Variants in NAALADL2 observed in about 807,000 individuals in gnomAD.
The protein encoded by NAALADL2 is N-acetylated alpha-linked acidic dipeptidase like 2.
In NAALADL2, 76 loss-of-function variants were observed where a neutral mutation model predicts 87.2. The observed-to-expected ratio is 0.87, with a 90% CI of 0.72 to 1.05. The LOEUF (loss-of-function observed/expected upper bound fraction) is 1.05. Among genes scored for constraint, NAALADL2 ranks in the 50% least tolerant of loss-of-function variants. The pLI is 0.00. For missense variants in NAALADL2, 1,089 were observed against 945.8 expected, an observed-to-expected ratio of 1.15 and a Z score of -1.99; for synonymous variants, 354 against 331.0, an observed-to-expected ratio of 1.07 and a Z score of -0.75.
At chr3:175,491,149 TTCTG>T (rs1279720059) in intron 9 of NAALADL2, among the ~76,000 whole-genome samples, 1 of 142,684 alleles carries the variant, frequency 7.0e-6, no homozygotes, top group Non-Finnish European at 1.5e-5. Flanking sequence ...CTTTTTTTTT[TTCTG>T]TCAGGAAATA....
intron 1 of NAALADL2, among the ~76,000 whole-genome samples, chr3:175,058,390 G>A (rs915474784): frequency 5.3e-5 from 8 of 151,944 alleles, no homozygotes; most frequent in South Asian, 4.2e-4. Flanking sequence ...CCCTGGGCTC[G>A]GTGCTATTAA....
At chr3:175,517,730 G>C (rs983791600) in intron 9 of NAALADL2, among the ~76,000 whole-genome samples, 1 of 152,046 alleles carries the variant, frequency 6.6e-6, no homozygotes, top group Admixed American at 6.6e-5. Flanking sequence ...TTTAGGAGTA[G>C]AGTCTCCATA....
Position 175,810,321 on chromosome 3 carries a change from GTGATC to G in NAALADL2, c.*7121_*7125del, listed in dbSNP as rs1342285051. On this transcript the variant is annotated 3_prime_UTR_variant, in exon 14 of 14. Transcript: ENST00000454872. Reference sequence around the variant, plus strand: ...TGCATCTTACTTAAGAAATTATGTTGTGATCTGGAGTGACACAAATGGATTGAGAT... The same window carrying G: ...TGCATCTTACTTAAGAAATTATGTTGTGGAGTGACACAAATGGATTGAGAT... The G allele has an allele frequency of 1.3e-5, 2 of 151,904 alleles. No homozygotes were observed. Among genetic ancestry groups the G allele is most frequent in the East Asian group, 3.9e-4 (2 of 5,188 alleles). The allele number at this position is 151,904 out of a possible 1,614,324, so 9.4% of individuals were successfully genotyped here.
intron 2 of NAALADL2, among the ~76,000 whole-genome samples, chr3:175,140,563 C>A (rs902194508): frequency 1.3e-5 from 2 of 152,088 alleles, no homozygotes; most frequent in Non-Finnish European, 2.9e-5. Context: ...GCAAAGAAGG[C>A]AGGTAAAGAG....
At chr3:175,739,366 A>G (rs1415261834) in intron 12 of NAALADL2, among the ~76,000 whole-genome samples, 2 of 152,192 alleles carry the variant, frequency 1.3e-5, no homozygotes, top group Admixed American at 1.3e-4. Flanking sequence ...GCACATTTCA[A>G]TTGTCTGACA....
chr3:174,830,714 C>T (rs1305458036), intron 3 of NAALADL2, among the ~76,000 whole-genome samples: 8 of 152,114 alleles, frequency 5.3e-5, no homozygotes, highest in Non-Finnish European at 7.4e-5. Flanking sequence ...GCCATTTTCA[C>T]GATATTGATT....
rs1271591450 is a variant in NAALADL2 at position 175,077,681 on chromosome 3, T to C, written c.44-19109T>C. On this transcript the variant is annotated intron_variant, in intron 1 of 13. Coordinates refer to ENST00000454872, the MANE Select transcript of NAALADL2 (RefSeq NM_207015.3). ...TATCATAAATATACTATAAATGGCATGTGAATATTTACTAATAGAGGCAGC... is the reference window on the plus strand; with the variant it reads ...TATCATAAATATACTATAAATGGCACGTGAATATTTACTAATAGAGGCAGC... Among the ~76,000 whole-genome samples the C allele has an allele frequency of 3.3e-5, 5 of 152,162 alleles. No homozygotes were observed. In the South Asian group the frequency reaches 1.0e-3, roughly 31 times the overall value.
chr3:174,845,682 CA>C (rs1398917693), intron 3 of NAALADL2, among the ~76,000 whole-genome samples: 2 of 152,126 alleles, frequency 1.3e-5, no homozygotes, highest in Non-Finnish European at 2.9e-5. Flanking sequence ...GTTGTTGAGC[CA>C]GGGGTGGGAA....
intron 2 of NAALADL2, among the ~76,000 whole-genome samples, chr3:175,211,297 A>G (rs1741735377): frequency 6.6e-6 from 1 of 151,976 alleles, no homozygotes; most frequent in Admixed American, 6.6e-5. Context: ...CTTGGGGAAC[A>G]GGAACTTGAA....
intron 3 of NAALADL2, among the ~76,000 whole-genome samples, chr3:174,748,958 A>G (rs1424945326): frequency 6.6e-6 from 1 of 152,226 alleles, no homozygotes; most frequent in Non-Finnish European, 1.5e-5. Context: ...TTCTTAAGGT[A>G]TACCCATAAA....
chr3:175,713,920 C>T (rs1047739434), intron 11 of NAALADL2, among the ~76,000 whole-genome samples: 2 of 152,062 alleles, frequency 1.3e-5, no homozygotes, highest in African/African-American at 4.8e-5. Context: ...GTGATGTTCC[C>T]CATCCTATGT....
intron 1 of NAALADL2, among the ~76,000 whole-genome samples, chr3:174,515,728 A>G (rs1295468839): frequency 1.3e-5 from 2 of 151,598 alleles, no homozygotes; most frequent in East Asian, 1.9e-4. Context: ...TAAAGTTGAG[A>G]TAATATATAA....
At chr3:174,786,822 T>G (rs1716737237) in intron 3 of NAALADL2, among the ~76,000 whole-genome samples, 1 of 152,234 alleles carries the variant, frequency 6.6e-6, no homozygotes, top group African/African-American at 2.4e-5. Flanking sequence ...ATTGCTCAGC[T>G]TCCCTTCTTC....
At chr3:175,524,711 T>C (rs553798760) in intron 9 of NAALADL2, among the ~76,000 whole-genome samples, 13 of 152,252 alleles carry the variant, frequency 8.5e-5, no homozygotes, top group Admixed American at 7.8e-4. Context: ...GTAACACTTA[T>C]TGTGCTAGCA....
At chr3:175,325,612 G>A (rs917366319) in intron 5 of NAALADL2, among the ~76,000 whole-genome samples, 1 of 152,218 alleles carries the variant, frequency 6.6e-6, no homozygotes, top group East Asian at 1.9e-4. Flanking sequence ...ACCAAAAACA[G>A]ACTCTGTAAG....
chr3:175,043,156 C>G (rs1329947689), intron 1 of NAALADL2, among the ~76,000 whole-genome samples: 2 of 152,172 alleles, frequency 1.3e-5, no homozygotes, highest in Non-Finnish European at 2.9e-5. Flanking sequence ...TATTCCTCTA[C>G]AGTAATCCAA....
At chr3:175,223,563 G>C in intron 2 of NAALADL2, among the ~76,000 whole-genome samples, 1 of 151,792 alleles carries the variant, frequency 6.6e-6, no homozygotes, top group South Asian at 2.1e-4. Context: ...TTCATATCTT[G>C]ACTATCATGA....
intron 9 of NAALADL2, among the ~76,000 whole-genome samples, chr3:175,535,246 G>GCA (rs1255345748): frequency 6.6e-6 from 1 of 152,144 alleles, no homozygotes; most frequent in Non-Finnish European, 1.5e-5. Context: ...GAGCATAAGT[G>GCA]AAAACATTTG....
intron 5 of NAALADL2, among the ~76,000 whole-genome samples, chr3:175,411,763 A>T (rs1713565025): frequency 6.6e-6 from 1 of 152,122 alleles, no homozygotes; most frequent in South Asian, 2.1e-4. Context: ...TTGTCTGGTA[A>T]TGAACTATTT....
Sources: allele counts gnomAD v4.1 joint callset (sites outside exome capture counted in the v4.1 genomes callset), GRCh38; gene constraint gnomAD v4.1.1; transcripts MANE v1.5; gene names NCBI Gene and HGNC (gene_info 2026-07-23, HGNC 2026-07-21).